MACROD1: variants seen among roughly 807,000 people sequenced by gnomAD.
MACROD1 encodes ADP-ribose glycohydrolase MACROD1.
Under a neutral mutation model 41.4 loss-of-function variants are expected in MACROD1, and 31 were observed. The observed-to-expected ratio is 0.75, with a 90% CI of 0.56 to 1.01. The LOEUF (loss-of-function observed/expected upper bound fraction) is 1.01. Among genes scored for constraint, MACROD1 ranks in the 50% least tolerant of loss-of-function variants. The pLI is 0.00. For missense variants in MACROD1, 473 were observed against 460.0 expected (o/e 1.03, Z -0.26); for synonymous variants, 252 against 203.4 (o/e 1.24, Z -2.03).
In MACROD1 at chr11:64,108,442, CTCTCCCTGGG is replaced by C. The variant is rs1203325188; in HGVS notation, c.517+42787_517+42796del. Among the ~76,000 whole-genome samples, 6 of 152,330 alleles carry C rather than the reference CTCTCCCTGGG, an allele frequency of 3.9e-5. No individual in the cohort carries two copies. The South Asian group carries it at 1.0e-3, about 26-fold the overall frequency. On this transcript the variant is annotated intron_variant, in intron 3 of 10. Transcript: ENST00000255681. ...GGCTTCCTGGCGAGAAGGAGGGGAG[CTCTCCCTGGG>C]TCTCCCTGAGCACCAGGAAGCAGCG...
intron 3 of MACROD1, among the ~76,000 whole-genome samples, chr11:64,114,631 A>C (rs1443366902): frequency 3.3e-5 from 5 of 151,566 alleles, no homozygotes; most frequent in Non-Finnish European, 7.4e-5. Flanking sequence ...GGACAGGTGC[A>C]TGCATGAATG....
intron 3 of MACROD1, among the ~76,000 whole-genome samples, chr11:64,085,594 C>T (rs1258181029): frequency 6.6e-6 from 1 of 152,228 alleles, no homozygotes; most frequent in Non-Finnish European, 1.5e-5. Flanking sequence ...CAGGCCGCAG[C>T]GTGGGCCAGC....
intron 4 of MACROD1, among the ~76,000 whole-genome samples, chr11:64,006,338 C>T (rs1391998500): frequency 1.3e-5 from 2 of 152,318 alleles, no homozygotes; most frequent in Non-Finnish European, 2.9e-5. Context: ...GCCATTCAAT[C>T]AACAAACTCT....
At chr11:64,042,969 G>A (rs1943517215) in intron 3 of MACROD1, among the ~76,000 whole-genome samples, 1 of 152,238 alleles carries the variant, frequency 6.6e-6, no homozygotes, top group Admixed American at 6.5e-5. Flanking sequence ...CCTGTCCAGT[G>A]CCATGTGGTA....
intron 3 of MACROD1, among the ~76,000 whole-genome samples, chr11:64,073,461 C>T (rs1944144658): frequency 6.6e-6 from 1 of 152,242 alleles, no homozygotes; most frequent in South Asian, 2.1e-4. Flanking sequence ...GTTTGGGCAC[C>T]TGTCAGGTGG....
At chr11:64,071,835 C>T (rs1015625830) in intron 3 of MACROD1, among the ~76,000 whole-genome samples, 1 of 152,130 alleles carries the variant, frequency 6.6e-6, no homozygotes, top group South Asian at 2.1e-4. Context: ...GGCATCGAGA[C>T]TCACCCAGGC....
chr11:64,037,759 C>G (rs989464039), intron 3 of MACROD1, among the ~76,000 whole-genome samples: 2 of 152,204 alleles, frequency 1.3e-5, no homozygotes, highest in Non-Finnish European at 1.5e-5. Flanking sequence ...GCCCACACCC[C>G]CAAGGCAGCT....
At chr11:64,019,888 T>A (rs1943131057) in intron 3 of MACROD1, among the ~76,000 whole-genome samples, 1 of 151,498 alleles carries the variant, frequency 6.6e-6, no homozygotes, top group Non-Finnish European at 1.5e-5. Flanking sequence ...AGGAAAGGCA[T>A]GGAGGGAGGG....
At chr11:64,160,768 A>G (rs896149473) in intron 1 of MACROD1, among the ~76,000 whole-genome samples, 2 of 148,392 alleles carry the variant, frequency 1.3e-5, no homozygotes, top group African/African-American at 2.5e-5. Flanking sequence ...GTGAGCTGTG[A>G]TTGCACCACT....
At chr11:64,144,269 C>G (rs546895822) in intron 3 of MACROD1, among the ~76,000 whole-genome samples, 1 of 152,330 alleles carries the variant, frequency 6.6e-6, no homozygotes, top group South Asian at 2.1e-4. Context: ...CCCACTGCTT[C>G]CCTCCCCTGT....
chr11:64,104,194 G>A (rs1944718895), intron 3 of MACROD1: 1 of 152,390 alleles, frequency 6.6e-6, no homozygotes. Context: ...AAGGCCCAAG[G>A]ACAAGGGAAG....
chr11:64,023,212 C>T (rs1350288958), intron 3 of MACROD1, among the ~76,000 whole-genome samples: 1 of 152,108 alleles, frequency 6.6e-6, no homozygotes, highest in East Asian at 1.9e-4. Context: ...GTCCCACTTA[C>T]AGATGGGGAA....
intron 3 of MACROD1, among the ~76,000 whole-genome samples, chr11:64,028,534 C>A (rs1443498886): frequency 6.6e-6 from 1 of 152,058 alleles, no homozygotes; most frequent in African/African-American, 2.4e-5. Context: ...CATTGGTATG[C>A]GAGGCCCGGC....
intron 3 of MACROD1, among the ~76,000 whole-genome samples, chr11:64,135,643 C>A (rs979550031): frequency 6.6e-6 from 1 of 152,208 alleles, no homozygotes; most frequent in South Asian, 2.1e-4. Context: ...CCTCCTTTCC[C>A]AGAGTAACGG....
chr11:64,099,204 A>G (rs920375786), intron 3 of MACROD1, among the ~76,000 whole-genome samples: 18 of 152,176 alleles, frequency 1.2e-4, no homozygotes, highest in Admixed American at 1.1e-3. Flanking sequence ...CATCTTCTCC[A>G]AGAAGCCTCC....
chr11:64,031,231 TG>T (rs1418023325), intron 3 of MACROD1, among the ~76,000 whole-genome samples: 1 of 152,164 alleles, frequency 6.6e-6, no homozygotes, highest in Non-Finnish European at 1.5e-5. Flanking sequence ...TACCTGGCTT[TG>T]TCCCTTCTGT....
chr11:64,112,644 G>A (rs1157617450), intron 3 of MACROD1, among the ~76,000 whole-genome samples: 1 of 152,228 alleles, frequency 6.6e-6, no homozygotes, highest in Non-Finnish European at 1.5e-5. Context: ...GGGTGCCCAG[G>A]AAAGGCCTCA....
At chr11:64,092,144 C>T (rs997401247) in intron 3 of MACROD1, among the ~76,000 whole-genome samples, 2 of 152,220 alleles carry the variant, frequency 1.3e-5, no homozygotes, top group Non-Finnish European at 2.9e-5. Context: ...TTAGGGTCGC[C>T]GTGGCATCCC....
chr11:64,158,448 T>A lies in MACROD1; in HGVS notation c.299-6055A>T, dbSNP rs1418491570. Among the ~76,000 whole-genome samples the A allele has an allele frequency of 2.0e-5, 3 of 152,198 alleles. No homozygotes were observed. The East Asian group carries it at 5.8e-4, about 29-fold the overall frequency. On this transcript the variant is annotated intron_variant, in intron 1 of 10. Coordinates refer to ENST00000255681, the MANE Select transcript of MACROD1 (RefSeq NM_014067.4). ...TAGGAGAGACAAGGTCTGGATATAT[T>A]GCCCAGGCTGGTCTCGAACTCCTGG...
Sources: gnomAD v4.1 joint callset for allele counts (sites outside exome capture counted in the v4.1 genomes callset) on GRCh38, gnomAD v4.1.1 for gene constraint, MANE v1.5 for transcripts, NCBI Gene and HGNC (gene_info 2026-07-23, HGNC 2026-07-21) for gene names.